The following DYNC1H1 variants were observed in gnomAD, a reference collection of about 807,000 sequenced individuals.
DYNC1H1 encodes dynein cytoplasmic 1 heavy chain 1, also known as cytoplasmic dynein 1 heavy chain 1.
DYNC1H1 carries 51 observed loss-of-function variants against 527.1 expected under a neutral mutation model. That is an observed-to-expected ratio of 0.10 (90% CI 0.08 to 0.12). DYNC1H1 has a LOEUF of 0.12. DYNC1H1 is among the 10% of genes least tolerant of loss of function. The probability of loss-of-function intolerance (pLI) is 1.00; values close to 1 mark genes in which losing one functional copy is unlikely to be tolerated. For missense variants in DYNC1H1, 2,771 were observed against 5,971.8 expected (o/e 0.46, Z 17.66); for synonymous variants, 2,189 against 2,278.8 (o/e 0.96, Z 1.12).
At position 102,047,992 on chromosome 14, in the gene DYNC1H1, G is replaced by C. The variant is rs754395575; in HGVS notation, c.13182G>C (p.Thr4394=). The C allele has an allele frequency of 6.2e-7, 1 of 1,612,206 alleles. No homozygotes were observed. The highest frequency in any genetic ancestry group is 8.5e-7 in the Non-Finnish European group (1 of 1,179,946). The stretch of plus-strand genomic sequence containing the variant: ...ACTGGCTGCACCTCATCCCCCAGAC[G>C]CTGAGCCACCTCAAGCGCACCGTGG... The part of the protein sequence containing the change: ...ASNWLHLIPQ[T]LSHLKRTVEN... The change falls in exon 73 of 78, where the codon ACG becomes ACC. Residue 4394 remains threonine, a synonymous_variant. Transcript: ENST00000360184.
chr14:102,007,909 A>C (rs146717313), intron 28 of DYNC1H1, among the ~76,000 whole-genome samples: 10 of 152,096 alleles, frequency 6.6e-5, no homozygotes, highest in African/African-American at 2.4e-4. Context: ...GCACGTGGCT[A>C]TTTTGTCGCC....
Position 102,002,554 on chromosome 14 carries a change from T to G in DYNC1H1, c.4560T>G (p.Ala1520=). The G allele has an allele frequency of 6.2e-7, 1 of 1,614,180 alleles. No homozygotes were observed. The highest frequency in any genetic ancestry group is 8.5e-7 in the Non-Finnish European group (1 of 1,180,014). The part of the protein sequence containing the change: ...SPYYKVFEED[A]LSWEDKLNRI... ...CCCACCAGGTTTTTGAAGAGGATGC[T>G]CTCAGCTGGGAAGATAAGCTGAACA... The change falls in exon 22 of 78, where the codon GCT becomes GCG. Residue 1520 remains alanine, a synonymous_variant. Transcript: ENST00000360184. This position sits in a 1 kb window ranked among gnomAD's most constrained non-coding sequence, Gnocchi z 4.4.
intron 72 of DYNC1H1, 194 bp from the exon 73 acceptor site, chr14:102,047,620 CGTG>C: frequency 3.1e-6 from 1 of 323,338 alleles, no homozygotes; most frequent in Non-Finnish European, 5.2e-6. Context: ...TATATATACA[CGTG>C]TGTGTGTGTG....
chr14:102,029,568 C>A lies in DYNC1H1; in HGVS notation c.9498C>A (p.Gly3166=). The A allele has an allele frequency of 6.2e-7, 1 of 1,614,192 alleles. No individual in the cohort carries two copies. Among genetic ancestry groups the A allele is most frequent in the East Asian group, 2.2e-5 (1 of 44,882 alleles). Reference sequence around the variant, plus strand: ...ATGCTCGGCTAGCAAAGCGAGGCGGCAGAACGATGGCCATCACCCCTCGCC... The same window carrying A: ...ATGCTCGGCTAGCAAAGCGAGGCGGAAGAACGATGGCCATCACCCCTCGCC... ...QANARLAKRG[G]RTMAITPRHY... is the part of the protein sequence containing the mutation. The change falls in exon 49 of 78, where the codon GGC becomes GGA. Residue 3166 remains glycine, a synonymous_variant. Transcript: ENST00000360184. The surrounding 1 kb of genome is among the most constrained non-coding windows in gnomAD (Gnocchi z 5.3).
intron 72 of DYNC1H1, among the ~76,000 whole-genome samples, chr14:102,046,695 C>T (rs927234851): frequency 1.3e-5 from 2 of 152,198 alleles, no homozygotes; most frequent in East Asian, 1.9e-4. Flanking sequence ...CATTCATGGT[C>T]GGGCTGAAAG....
chr14:102,011,792 C>G lies in DYNC1H1; in HGVS notation c.6619-83C>G. 3 of 1,440,946 alleles carry G rather than the reference C, an allele frequency of 2.1e-6. No individual in the cohort carries two copies. Among genetic ancestry groups the G allele is most frequent in the Non-Finnish European group, 2.9e-6 (3 of 1,025,746 alleles). The allele number at this position is 1,440,946 out of a possible 1,614,324, so 89.3% of individuals were successfully genotyped here. On this transcript the variant is annotated intron_variant, in intron 32 of 77. Transcript: ENST00000360184. This position sits in a 1 kb window ranked among gnomAD's most constrained non-coding sequence, Gnocchi z 5.3. ...ATCCACACATAATGTTTCTTGCTCA[C>G]TTTCACAAGAGGTGGCTGGGCGAGG...
intron 29 of DYNC1H1, chr14:102,009,559 A>G (rs2048235145): frequency 7.1e-6 from 3 of 425,452 alleles, no homozygotes; most frequent in Non-Finnish European, 1.3e-5. Context: ...CGAGTTCTCC[A>G]TGACACTCAG....
At chr14:101,994,588 C>A (rs1260540413) in intron 12 of DYNC1H1, 85 bp from the exon 13 acceptor site, 3 of 1,547,634 alleles carry the variant, frequency 1.9e-6, no homozygotes, top group Non-Finnish European at 1.8e-6. Context: ...CATGAACCTT[C>A]TTAATGGAAT....
chr14:101,971,950 C>T (rs555427069), intron 1 of DYNC1H1, among the ~76,000 whole-genome samples: 1 of 152,274 alleles, frequency 6.6e-6, no homozygotes, highest in Admixed American at 6.5e-5. Context: ...AGGGAAGGAA[C>T]TCATGAAGCA....
At chr14:102,043,795 T>C (rs2048681452) in intron 69 of DYNC1H1, 80 bp from the exon 70 acceptor site, 2 of 1,601,934 alleles carry the variant, frequency 1.2e-6, no homozygotes, top group African/African-American at 1.3e-5. Flanking sequence ...TTGTAAAGCT[T>C]TGACTGACCT....
chr14:101,994,136 C>G (rs2048029263), intron 11 of DYNC1H1, 48 bp from the exon 12 acceptor site: 4 of 1,613,616 alleles, frequency 2.5e-6, no homozygotes, highest in East Asian at 2.2e-5. Context: ...ACTTAGATTA[C>G]CATTTTCATA....
Position 102,043,735 on chromosome 14 carries a change from C to T in DYNC1H1, c.12514-140C>T, listed in dbSNP as rs1000259146. On this transcript the variant is annotated intron_variant, in intron 69 of 77. Coordinates refer to ENST00000360184, the MANE Select transcript of DYNC1H1 (RefSeq NM_001376.5). ...AAAAGTTGGCATACTTTTCTCCTAG[C>T]AGCAGTACTCATGTGAATCTGCTGC... The T allele has an allele frequency of 1.4e-5, 16 of 1,137,816 alleles. No individual in the cohort carries two copies. In the South Asian group the frequency reaches 2.0e-4, roughly 14 times the overall value. 70.5% of individuals were successfully genotyped at this position (1,137,816 alleles called of 1,614,324 possible).
chr14:102,004,057 T>G (rs17512306), intron 23 of DYNC1H1, among the ~76,000 whole-genome samples: 1 of 151,686 alleles, frequency 6.6e-6, no homozygotes, highest in Non-Finnish European at 1.5e-5. Context: ...CTGGCTAACA[T>G]GGTGAAACCC....
Position 102,027,586 on chromosome 14 carries a change from G to T in DYNC1H1, c.9049-33G>T, listed in dbSNP as rs1373068765. On this transcript the variant is annotated intron_variant, in intron 46 of 77. Transcript: ENST00000360184. The surrounding 1 kb of genome is among the most constrained non-coding windows in gnomAD (Gnocchi z 7.7). ...TTGCGTTGCATTACGTGTTACCGGGGGACCAGTAAGTCAGCACTGTGCTGT... is the reference window on the plus strand; with the variant it reads ...TTGCGTTGCATTACGTGTTACCGGGTGACCAGTAAGTCAGCACTGTGCTGT... 1.2e-6 allele frequency: 2 copies of T among 1,614,064 alleles called. No individual in the cohort carries two copies. The highest frequency in any genetic ancestry group is 1.7e-6 in the Non-Finnish European group (2 of 1,180,044).
At chr14:101,995,448 A>G in intron 15 of DYNC1H1, 148 bp downstream of exon 15, 1 of 1,001,482 alleles carries the variant, frequency 1.0e-6, no homozygotes, top group South Asian at 1.3e-5. Flanking sequence ...TGTCTCTACT[A>G]AAAATACAAA....
At position 102,050,530 on chromosome 14, in the gene DYNC1H1, C is replaced by T. The variant is rs777155356; in HGVS notation, c.13908C>T (p.Tyr4636=). The change falls in exon 78 of 78, where the codon TAC becomes TAT. Residue 4636 remains tyrosine, a synonymous_variant. Coordinates refer to ENST00000360184, the MANE Select transcript of DYNC1H1 (RefSeq NM_001376.5). The part of the protein sequence containing the change: ...IATKEDPRSF[Y]ERGVAVLCTE ...CAAAGGAGGATCCTCGCAGCTTCTACGAGCGGGGTGTCGCAGTCTTGTGCA... is the reference window on the plus strand; with the variant it reads ...CAAAGGAGGATCCTCGCAGCTTCTATGAGCGGGGTGTCGCAGTCTTGTGCA... 24 of 1,614,122 alleles carry T rather than the reference C, an allele frequency of 1.5e-5. No individual in the cohort carries two copies. The East Asian group carries it at 1.6e-4, about 10-fold the overall frequency.
intron 10 of DYNC1H1, among the ~76,000 whole-genome samples, chr14:101,990,281 C>A (rs1658092441): frequency 6.6e-6 from 1 of 152,184 alleles, no homozygotes; most frequent in African/African-American, 2.4e-5. Flanking sequence ...TGAGTGGTAT[C>A]ACTGCTTCAG....
rs1432223615 is a variant in DYNC1H1 at position 101,997,939 on chromosome 14, G to A, written c.3804+665G>A. On this transcript the variant is annotated intron_variant, in intron 16 of 77. Coordinates refer to ENST00000360184, the MANE Select transcript of DYNC1H1 (RefSeq NM_001376.5). The surrounding 1 kb of genome is among the most constrained non-coding windows in gnomAD (Gnocchi z 4.8). ...CTGCGACAGAAGCAGATGAGAGGGC[G>A]CTGGCTCAGTGGCTACTGCTGTGCC... 3.3e-5 allele frequency among the ~76,000 whole-genome samples: 5 copies of A among 152,320 alleles called. No individual in the cohort carries two copies. Among genetic ancestry groups the A allele is most frequent in the Non-Finnish European group, 5.9e-5 (4 of 68,026 alleles).
chr14:102,039,471 A>G lies in DYNC1H1; in HGVS notation c.11520A>G (p.Leu3840=), dbSNP rs369351359. 56 of 1,614,110 alleles carry G rather than the reference A, an allele frequency of 3.5e-5. No homozygotes were observed. Among genetic ancestry groups the G allele is most frequent in the African/African-American group, 5.3e-5 (4 of 74,932 alleles). ...QFFLDIYHNV[L]YENPNLKGVT... ...TCCTGGACATTTATCACAACGTCCT[A>G]TACGAGAACCCGAACCTGAAGGGTG... The change falls in exon 61 of 78, where the codon CTA becomes CTG. Residue 3840 remains leucine, a synonymous_variant. Coordinates refer to ENST00000360184, the MANE Select transcript of DYNC1H1 (RefSeq NM_001376.5). This position sits in a 1 kb window ranked among gnomAD's most constrained non-coding sequence, Gnocchi z 7.0.
Sources: gnomAD v4.1 joint callset for allele counts (sites outside exome capture counted in the v4.1 genomes callset) on GRCh38, gnomAD v4.1.1 for gene constraint, Gnocchi (gnomAD v3.1) non-coding constraint, MANE v1.5 for transcripts, NCBI Gene and HGNC (gene_info 2026-07-23, HGNC 2026-07-21) for gene names.